The following CCDC38 variants were observed in gnomAD, a reference collection of about 807,000 sequenced individuals.
CCDC38 encodes coiled-coil domain-containing protein 38.
A neutral mutation model predicts 72.8 loss-of-function variants in CCDC38; 69 were observed. The observed-to-expected ratio is 0.95, with a 90% CI of 0.78 to 1.16. CCDC38 has a LOEUF of 1.16. CCDC38 is among the 50% of genes most tolerant of loss of function. The pLI, the probability that CCDC38 is intolerant of heterozygous loss-of-function variation, is 0.00. For synonymous variants in CCDC38, 201 were observed against 213.2 expected (o/e 0.94, Z 0.50); for missense variants, 626 against 638.9 (o/e 0.98, Z 0.22).
intron 8 of CCDC38, among the ~76,000 whole-genome samples, chr12:95,894,594 T>C (rs1296276060): frequency 6.6e-6 from 1 of 152,172 alleles, no homozygotes; most frequent in African/African-American, 2.4e-5. Flanking sequence ...GCCTGGCACC[T>C]GCTTCCCCTC....
At chr12:95,926,342 A>G (rs1173072195) in intron 2 of CCDC38, among the ~76,000 whole-genome samples, 1 of 151,852 alleles carries the variant, frequency 6.6e-6, no homozygotes, top group African/African-American at 2.4e-5. Context: ...GGTGTTTGTA[A>G]TATTCTCTGA....
chr12:95,906,824 ATTTATTTG>A (rs1484102910), intron 4 of CCDC38, among the ~76,000 whole-genome samples: 4 of 66,076 alleles, frequency 6.1e-5, no homozygotes, highest in Non-Finnish European at 1.2e-4. Flanking sequence ...TTATTTATTT[ATTTATTTG>A]TTTGTTTTTT....
chr12:95,922,354 G>T (rs1292912765), intron 2 of CCDC38, among the ~76,000 whole-genome samples: 1 of 152,188 alleles, frequency 6.6e-6, no homozygotes, highest in African/African-American at 2.4e-5. Flanking sequence ...TCATAGCCTG[G>T]GGGAGGAGAA....
rs1361745173 is a variant in CCDC38, at chr12:95,926,150, G to A, written c.38-7174C>T. ...CCTCCTTGTACCTCTGGTAGAATTC[G>A]GCTGTGAATCCATCTGGTCCTGGAC... On this transcript the variant is annotated intron_variant, in intron 2 of 15. Transcript: ENST00000344280. Among the ~76,000 whole-genome samples the A allele has an allele frequency of 4.1e-5, 6 of 144,880 alleles. No homozygotes were observed. The East Asian group carries it at 1.0e-3, about 25-fold the overall frequency.
intron 1 of CCDC38, among the ~76,000 whole-genome samples, chr12:95,940,550 T>C (rs910588387): frequency 1.3e-5 from 2 of 152,204 alleles, no homozygotes; most frequent in African/African-American, 4.8e-5. Flanking sequence ...TTTAGACTGG[T>C]TCTCTCAGAC....
chr12:95,870,975 T>C (rs777240493), intron 14 of CCDC38, among the ~76,000 whole-genome samples: 16 of 152,220 alleles, frequency 1.1e-4, no homozygotes, highest in Non-Finnish European at 2.4e-4. Context: ...AGAAACCGAC[T>C]AGAGTGCTTA....
At chr12:95,882,379 T>G (rs2079710688) in intron 10 of CCDC38, among the ~76,000 whole-genome samples, 1 of 152,080 alleles carries the variant, frequency 6.6e-6, no homozygotes, top group South Asian at 2.1e-4. Flanking sequence ...ACTCCAACAT[T>G]TGTGGTCTGG....
At position 95,907,573 on chromosome 12, in the gene CCDC38, C is replaced by T. The variant is rs1470322971; in HGVS notation, c.305-1122G>A. On this transcript the variant is annotated intron_variant, in intron 4 of 15. Transcript: ENST00000344280. ...CTCCCGGACGAGGCGGCTGGCCAGGCGGGGGACTGACACCCCCACCTCCCT... is the reference window on the plus strand; with the variant it reads ...CTCCCGGACGAGGCGGCTGGCCAGGTGGGGGACTGACACCCCCACCTCCCT... Among the ~76,000 whole-genome samples, 2 of 134,112 alleles carry T rather than the reference C, an allele frequency of 1.5e-5. 1 individual carries two copies. The highest frequency in any genetic ancestry group is 6.0e-5 in the African/African-American group (2 of 33,552). The allele number at this position is 134,112 out of a possible 152,430, so 88.0% of individuals were successfully genotyped here.
At chr12:95,868,854 T>C (rs1310288918) in intron 15 of CCDC38, among the ~76,000 whole-genome samples, 1 of 152,176 alleles carries the variant, frequency 6.6e-6, no homozygotes, top group Admixed American at 6.5e-5. Flanking sequence ...CTGGTCCTGA[T>C]TGTGCTGCTA....
chr12:95,940,610 CAAATACT>C (rs2080439307), intron 1 of CCDC38, among the ~76,000 whole-genome samples: 1 of 151,996 alleles, frequency 6.6e-6, no homozygotes, highest in Non-Finnish European at 1.5e-5. Flanking sequence ...CTACCTTGGA[CAAATACT>C]AGGAAAAGGG....
At chr12:95,891,159 G>A (rs1160358239) in intron 8 of CCDC38, among the ~76,000 whole-genome samples, 1 of 152,170 alleles carries the variant, frequency 6.6e-6, no homozygotes, top group African/African-American at 2.4e-5. Context: ...GATAGTAAGG[G>A]CTGGTCCCTG....
chr12:95,937,039 G>T (rs965465168), intron 1 of CCDC38, among the ~76,000 whole-genome samples: 1 of 152,114 alleles, frequency 6.6e-6, no homozygotes, highest in Non-Finnish European at 1.5e-5. Flanking sequence ...CTCAATCTTA[G>T]CTGCAAAGCT....
chr12:95,876,356 T>C (rs2079635242), intron 13 of CCDC38, among the ~76,000 whole-genome samples: 1 of 152,106 alleles, frequency 6.6e-6, no homozygotes, highest in South Asian at 2.1e-4. Flanking sequence ...ATGAAGAGTT[T>C]TGGAGATTGC....
intron 4 of CCDC38, among the ~76,000 whole-genome samples, chr12:95,908,716 C>G (rs1378202466): frequency 6.8e-6 from 1 of 146,300 alleles, no homozygotes; most frequent in Non-Finnish European, 1.5e-5. Context: ...GGTCACACAA[C>G]TAACCTAAGC....
At chr12:95,870,909 A>C (rs1490559890) in intron 14 of CCDC38, among the ~76,000 whole-genome samples, 1 of 152,208 alleles carries the variant, frequency 6.6e-6, no homozygotes, top group Non-Finnish European at 1.5e-5. Context: ...TGGATCATCT[A>C]ATTTAATCCT....
At chr12:95,925,649 C>T (rs895883538) in intron 2 of CCDC38, among the ~76,000 whole-genome samples, 1 of 152,130 alleles carries the variant, frequency 6.6e-6, no homozygotes, top group Non-Finnish European at 1.5e-5. Flanking sequence ...CCAGTTTTTG[C>T]CCATTCAGTA....
intron 8 of CCDC38, among the ~76,000 whole-genome samples, chr12:95,893,815 A>G (rs1288743284): frequency 5.9e-5 from 9 of 152,108 alleles, no homozygotes; most frequent in Admixed American, 5.9e-4. Context: ...AAGTTAGTTT[A>G]CTTAGGTTAA....
chr12:95,941,835 G>A (rs1300049115), intron 1 of CCDC38, among the ~76,000 whole-genome samples: 3 of 152,100 alleles, frequency 2.0e-5, no homozygotes, highest in Non-Finnish European at 4.4e-5. Flanking sequence ...TATATGAGCT[G>A]TGAATAATCT....
intron 3 of CCDC38, among the ~76,000 whole-genome samples, chr12:95,917,600 C>A (rs528354288): frequency 6.6e-6 from 1 of 152,076 alleles, no homozygotes; most frequent in Non-Finnish European, 1.5e-5. Flanking sequence ...GGGCTGGGTG[C>A]GGTAGCTCAT....
Sources: gnomAD v4.1 joint callset for allele counts (sites outside exome capture counted in the v4.1 genomes callset) on GRCh38, gnomAD v4.1.1 for gene constraint, MANE v1.5 for transcripts, NCBI Gene and HGNC (gene_info 2026-07-23, HGNC 2026-07-21) for gene names.